NALF1: variants seen among roughly 807,000 people sequenced by gnomAD.
NALF1 encodes the protein NALCN channel auxiliary factor 1, also known as family with sequence similarity 155 member A.
A neutral mutation model predicts 48.4 loss-of-function variants in NALF1; 3 were observed. The observed-to-expected ratio is 0.06, with a 90% confidence interval of 0.03 to 0.16. The LOEUF (loss-of-function observed/expected upper bound fraction) is 0.16, where lower values mean the gene tolerates loss of function less well. NALF1 is among the 10% of genes least tolerant of loss of function. The probability of loss-of-function intolerance (pLI) is 1.00; values close to 1 mark genes in which losing one functional copy is unlikely to be tolerated. For synonymous variants in NALF1, 262 were observed against 245.7 expected (o/e 1.07, Z -0.62); for missense variants, 526 against 571.5 (o/e 0.92, Z 0.81).
rs570816630 is a variant in NALF1 at position 107,313,849 on chromosome 13, C to T, written c.916-103094G>A. Among the ~76,000 whole-genome samples, 95 of 152,160 alleles carry T rather than the reference C, an allele frequency of 6.2e-4. 1 individual carries two copies. Among genetic ancestry groups the T allele is most frequent in the Middle Eastern group, 3.4e-3 (1 of 294 alleles). On this transcript the variant is annotated intron_variant, in intron 1 of 2. Transcript: ENST00000375915. ...CTTCAAGCTGTCCGCCTTTCCAGACCGAACCAATGTACATCTTACACATAT... is the reference window on the plus strand; with the variant it reads ...CTTCAAGCTGTCCGCCTTTCCAGACTGAACCAATGTACATCTTACACATAT...
At chr13:107,367,829 C>T (rs1177735976) in intron 1 of NALF1, among the ~76,000 whole-genome samples, 1 of 152,156 alleles carries the variant, frequency 6.6e-6, no homozygotes, top group Admixed American at 6.5e-5. Context: ...AGGATGGAGT[C>T]TAGGGAACTC....
intron 1 of NALF1, among the ~76,000 whole-genome samples, chr13:107,791,789 G>T (rs929332243): frequency 7.3e-6 from 1 of 136,798 alleles, no homozygotes; most frequent in Non-Finnish European, 1.6e-5. Context: ...GCCCCCCCCC[G>T]TCTCTACTAA....
chr13:107,582,892 C>T (rs2138411783), intron 1 of NALF1, among the ~76,000 whole-genome samples: 1 of 152,236 alleles, frequency 6.6e-6, no homozygotes, highest in South Asian at 2.1e-4. Context: ...CACACTGCTC[C>T]ATACACTGCT....
At chr13:107,749,970 C>T (rs902918967) in intron 1 of NALF1, among the ~76,000 whole-genome samples, 4 of 152,116 alleles carry the variant, frequency 2.6e-5, no homozygotes, top group South Asian at 2.1e-4. Flanking sequence ...CAGGCGTACG[C>T]GACAGTGCCC....
chr13:107,824,650 A>C (rs1879459066), intron 1 of NALF1, among the ~76,000 whole-genome samples: 1 of 152,216 alleles, frequency 6.6e-6, no homozygotes, highest in South Asian at 2.1e-4. Context: ...TTGGTCTCTC[A>C]GCTCCATTAT....
intron 2 of NALF1, among the ~76,000 whole-genome samples, chr13:107,173,621 C>G (rs1474377480): frequency 6.6e-6 from 1 of 152,196 alleles, no homozygotes; most frequent in Non-Finnish European, 1.5e-5. Flanking sequence ...CACTGCAGTG[C>G]TGGATCCCCT....
intron 1 of NALF1, among the ~76,000 whole-genome samples, chr13:107,786,416 C>CAA (rs34857705): frequency 0.042 from 1,254 of 29,704 alleles, 141 homozygotes; most frequent in Non-Finnish European, 0.059. Context: ...AACTCTTTCT[C>CAA]AAAAAAAAAA....
At chr13:107,592,186 A>T (rs1027315461) in intron 1 of NALF1, among the ~76,000 whole-genome samples, 7 of 151,982 alleles carry the variant, frequency 4.6e-5, no homozygotes, top group Non-Finnish European at 1.0e-4. Context: ...ACTCTCTCAA[A>T]TAAATAATTT....
chr13:107,478,626 C>T (rs1455599273), intron 1 of NALF1, among the ~76,000 whole-genome samples: 2 of 150,878 alleles, frequency 1.3e-5, no homozygotes, highest in Non-Finnish European at 3.0e-5. Context: ...TACTCAATGT[C>T]ACCTAAAAGA....
chr13:107,424,373 A>G (rs1192345303), intron 1 of NALF1, among the ~76,000 whole-genome samples: 1 of 152,118 alleles, frequency 6.6e-6, no homozygotes, highest in Non-Finnish European at 1.5e-5. Flanking sequence ...CCTGAGAACA[A>G]GCAATCCGCC....
intron 1 of NALF1, among the ~76,000 whole-genome samples, chr13:107,706,832 T>C (rs1875384958): frequency 6.6e-6 from 1 of 152,164 alleles, no homozygotes; most frequent in South Asian, 2.1e-4. Flanking sequence ...TAATTCTAAC[T>C]TCATTCATAG....
chr13:107,208,015 T>C (rs1200231514), intron 2 of NALF1, among the ~76,000 whole-genome samples: 3 of 152,172 alleles, frequency 2.0e-5, no homozygotes, highest in South Asian at 4.1e-4. Context: ...CTGCTAGTTA[T>C]CAACATGAAT....
intron 1 of NALF1, among the ~76,000 whole-genome samples, chr13:107,798,489 C>T (rs1566486026): frequency 6.6e-6 from 1 of 152,076 alleles, no homozygotes; most frequent in Non-Finnish European, 1.5e-5. Flanking sequence ...CTCTTCTTTC[C>T]TTCCCTTATC....
chr13:107,549,066 T>C lies in NALF1; in HGVS notation c.915+316616A>G, dbSNP rs117142541. ...AAAATCCTGGACCTAAGATGATTTT[T>C]ACATTCTACCACCTCAGATAATAAA... On this transcript the variant is annotated intron_variant, in intron 1 of 2. Coordinates refer to ENST00000375915, the MANE Select transcript of NALF1 (RefSeq NM_001080396.3). Among the ~76,000 whole-genome samples, 13 of 152,310 alleles carry C rather than the reference T, an allele frequency of 8.5e-5. No homozygotes were observed. The East Asian group carries it at 2.3e-3, about 27-fold the overall frequency.
At chr13:107,399,612 G>A (rs7317332) in intron 1 of NALF1, among the ~76,000 whole-genome samples, 23 of 151,676 alleles carry the variant, frequency 1.5e-4, no homozygotes, top group Non-Finnish European at 2.6e-4. Flanking sequence ...CCTACAAAAT[G>A]CTTGTTGATT....
chr13:107,804,678 A>G (rs1878721720), intron 1 of NALF1, among the ~76,000 whole-genome samples: 4 of 152,180 alleles, frequency 2.6e-5, no homozygotes, highest in Admixed American at 2.6e-4. Flanking sequence ...TCTTCTCAGT[A>G]TGAGGGCACT....
At chr13:107,250,947 A>G (rs1374366167) in intron 1 of NALF1, among the ~76,000 whole-genome samples, 1 of 152,034 alleles carries the variant, frequency 6.6e-6, no homozygotes, top group African/African-American at 2.4e-5. Flanking sequence ...TTCTGTCATG[A>G]TTGTAAGTTT....
intron 1 of NALF1, among the ~76,000 whole-genome samples, chr13:107,341,585 TG>T (rs1882682193): frequency 6.6e-6 from 1 of 151,782 alleles, no homozygotes; most frequent in South Asian, 2.1e-4. Context: ...ATATCTAAAT[TG>T]TGCAGTATAT....
At chr13:107,731,844 T>C (rs2138536354) in intron 1 of NALF1, among the ~76,000 whole-genome samples, 1 of 152,242 alleles carries the variant, frequency 6.6e-6, no homozygotes, top group African/African-American at 2.4e-5. Context: ...TGCTATTGGA[T>C]AATCCACACA....
Sources: gnomAD v4.1 joint callset for allele counts (sites outside exome capture counted in the v4.1 genomes callset) on GRCh38, gnomAD v4.1.1 for gene constraint, MANE v1.5 for transcripts, NCBI Gene and HGNC (gene_info 2026-07-23, HGNC 2026-07-21) for gene names.